The following TMEM132B variants were observed in gnomAD, a reference collection of about 807,000 sequenced individuals.
The protein encoded by TMEM132B is transmembrane protein 132B.
A neutral mutation model predicts 90.8 loss-of-function variants in TMEM132B; 18 were observed. The observed-to-expected ratio is 0.20, with a 90% CI of 0.14 to 0.29. The LOEUF (loss-of-function observed/expected upper bound fraction) is 0.29, where lower values mean the gene tolerates loss of function less well. TMEM132B is among the 10% of genes least tolerant of loss of function. The pLI is 1.00. For missense variants in TMEM132B, 1,096 were observed against 1,326.8 expected (o/e 0.83, Z 2.70); for synonymous variants, 504 against 523.3 (o/e 0.96, Z 0.50).
chr12:125,188,773 T>A (rs1036772830), intron 1 of TMEM132B, among the ~76,000 whole-genome samples: 2 of 149,760 alleles, frequency 1.3e-5, no homozygotes, highest in Non-Finnish European at 2.9e-5. Flanking sequence ...CACATGCAAG[T>A]CTTTAACTGG....
chr12:125,280,761 C>A (rs746103561), intron 1 of TMEM132B, among the ~76,000 whole-genome samples: 15 of 152,220 alleles, frequency 9.9e-5, no homozygotes, highest in Non-Finnish European at 1.6e-4. Flanking sequence ...TACAACTCTT[C>A]GGTCAGCAGC....
chr12:125,235,421 A>G (rs996407816), intron 1 of TMEM132B, among the ~76,000 whole-genome samples: 2 of 150,172 alleles, frequency 1.3e-5, no homozygotes, highest in Non-Finnish European at 3.0e-5. Flanking sequence ...CTGTGGGCCC[A>G]TGGAGGCTCT....
At chr12:125,316,703 T>C (rs1012629275) in intron 1 of TMEM132B, among the ~76,000 whole-genome samples, 4 of 152,020 alleles carry the variant, frequency 2.6e-5, no homozygotes, top group Non-Finnish European at 5.9e-5. Context: ...GAAGTGCAAA[T>C]GTCCTGTGGC....
chr12:125,242,234 T>C (rs1212917009), intron 1 of TMEM132B, among the ~76,000 whole-genome samples: 1 of 152,198 alleles, frequency 6.6e-6, no homozygotes, highest in Non-Finnish European at 1.5e-5. Flanking sequence ...CACTGTAGCC[T>C]CAACCTCCTG....
At chr12:125,339,599 A>G (rs566144644) in intron 1 of TMEM132B, among the ~76,000 whole-genome samples, 2 of 152,188 alleles carry the variant, frequency 1.3e-5, no homozygotes, top group Non-Finnish European at 2.9e-5. Flanking sequence ...AGCTCTTCAA[A>G]AAGGCAACTG....
chr12:125,375,388 C>T (rs956328263), intron 2 of TMEM132B, among the ~76,000 whole-genome samples: 2 of 152,176 alleles, frequency 1.3e-5, no homozygotes, highest in Non-Finnish European at 2.9e-5. Flanking sequence ...ATCTGTCCTT[C>T]TTCAGTGATT....
At chr12:125,471,831 T>G (rs1287032093) in intron 3 of TMEM132B, among the ~76,000 whole-genome samples, 1 of 152,186 alleles carries the variant, frequency 6.6e-6, no homozygotes, top group African/African-American at 2.4e-5. Flanking sequence ...CCCTTGTCAC[T>G]GATGGGAAGG....
chr12:125,559,988 G>C (rs112725254), intron 4 of TMEM132B, among the ~76,000 whole-genome samples: 1 of 152,152 alleles, frequency 6.6e-6, no homozygotes, highest in African/African-American at 2.4e-5. Context: ...CGAATCCAGC[G>C]CTGCCAGCCT....
Position 125,349,910 on chromosome 12 carries a change from G to A in TMEM132B, c.526G>A (p.Ala176Thr). The change falls in exon 2 of 9, where the codon GCA becomes ACA. Residue 176 changes from alanine (A) to threonine (T), a missense_variant. Physicochemically the swap from Ala to Thr is moderately conservative, Grantham distance 58. Coordinates refer to ENST00000682704, the MANE Select transcript of TMEM132B (RefSeq NM_001366854.1). This position sits in a 1 kb window ranked among gnomAD's most constrained non-coding sequence, Gnocchi z 4.1. ...TGCTTTCCCTGAGGCCAGGGAAGTG[G>A]CAGCCAGCTGTCGGCTGCAAGGGGC... ...MFAFPEAREVAASCRLQGAPG... is the reference protein window; with the variant it reads ...MFAFPEAREVTASCRLQGAPG... 1 of 1,614,230 alleles carries A rather than the reference G, an allele frequency of 6.2e-7. No individual in the cohort carries two copies. The highest frequency in any genetic ancestry group is 8.5e-7 in the Non-Finnish European group (1 of 1,180,044).
At chr12:125,651,295 G>T (rs1886912800) in intron 7 of TMEM132B, among the ~76,000 whole-genome samples, 1 of 152,284 alleles carries the variant, frequency 6.6e-6, no homozygotes, top group African/African-American at 2.4e-5. Flanking sequence ...ATAGAAGGTG[G>T]TTATACTGCT....
intron 3 of TMEM132B, among the ~76,000 whole-genome samples, chr12:125,430,771 C>T (rs1459204188): frequency 3.9e-5 from 6 of 152,182 alleles, no homozygotes; most frequent in African/African-American, 1.4e-4. Flanking sequence ...TCTCCTGGAA[C>T]TTACATCTAT....
chr12:125,362,250 C>G (rs1877982261), intron 2 of TMEM132B, among the ~76,000 whole-genome samples: 1 of 152,148 alleles, frequency 6.6e-6, no homozygotes, highest in Non-Finnish European at 1.5e-5. Flanking sequence ...GTGCTGACTC[C>G]CTGACTGACA....
At chr12:125,538,517 C>A (rs1445467843) in intron 4 of TMEM132B, among the ~76,000 whole-genome samples, 1 of 152,202 alleles carries the variant, frequency 6.6e-6, no homozygotes, top group Non-Finnish European at 1.5e-5. Flanking sequence ...GCATTTTCAG[C>A]AGGAATTCAT....
At position 125,639,994 on chromosome 12, in the gene TMEM132B, C is replaced by T. The variant is rs115150304; in HGVS notation, c.1438-4082C>T. Among the ~76,000 whole-genome samples the T allele has an allele frequency of 3.7e-3, 562 of 152,292 alleles. 4 individuals are homozygous for T. Among genetic ancestry groups the T allele is most frequent in the African/African-American group, 0.013 (527 of 41,552 alleles). On this transcript the variant is annotated intron_variant, in intron 5 of 8. Coordinates refer to ENST00000682704, the MANE Select transcript of TMEM132B (RefSeq NM_001366854.1). Reference sequence around the variant, plus strand: ...CGGCTCCTCTAGGCCATCGAGGGCCCGGGTTCCTTAGCTTCCGGGGTCAGT... The same window carrying T: ...CGGCTCCTCTAGGCCATCGAGGGCCTGGGTTCCTTAGCTTCCGGGGTCAGT...
At chr12:125,308,399 G>C (rs1876045636) in intron 1 of TMEM132B, among the ~76,000 whole-genome samples, 1 of 151,904 alleles carries the variant, frequency 6.6e-6, no homozygotes, top group South Asian at 2.1e-4. Context: ...CCCCACTTGT[G>C]GACATCTAAG....
At chr12:125,361,796 T>C (rs936898980) in intron 2 of TMEM132B, among the ~76,000 whole-genome samples, 5 of 152,230 alleles carry the variant, frequency 3.3e-5, no homozygotes, top group South Asian at 2.1e-4. Flanking sequence ...CCCAATTGCA[T>C]TGGAGTCTGT....
chr12:125,528,927 G>A (rs971910214), intron 4 of TMEM132B, among the ~76,000 whole-genome samples: 4 of 152,058 alleles, frequency 2.6e-5, no homozygotes, highest in East Asian at 1.9e-4. Context: ...CATTAATTGT[G>A]TACTTTATTT....
intron 3 of TMEM132B, among the ~76,000 whole-genome samples, chr12:125,495,761 A>G (rs1041573296): frequency 1.3e-5 from 2 of 152,204 alleles, no homozygotes; most frequent in African/African-American, 4.8e-5. Context: ...ACCCCTGCTG[A>G]GGACACAGGG....
At chr12:125,307,871 T>A (rs1258186057) in intron 1 of TMEM132B, among the ~76,000 whole-genome samples, 3 of 116,240 alleles carry the variant, frequency 2.6e-5, no homozygotes, top group Non-Finnish European at 5.2e-5. Context: ...TATATACTTA[T>A]ATTACTTATA....
Sources: gnomAD v4.1 joint callset for allele counts (sites outside exome capture counted in the v4.1 genomes callset) on GRCh38, gnomAD v4.1.1 for gene constraint, Gnocchi (gnomAD v3.1) non-coding constraint, MANE v1.5 for transcripts, NCBI Gene and HGNC (gene_info 2026-07-23, HGNC 2026-07-21) for gene names.